Variants in RPS6KB1 observed in about 807,000 individuals in gnomAD.
The protein encoded by RPS6KB1 is ribosomal protein S6 kinase B1.
A neutral mutation model predicts 70.2 loss-of-function variants in RPS6KB1; 12 were observed. The observed-to-expected ratio is 0.17, with a 90% confidence interval of 0.11 to 0.28. The LOEUF is 0.28. Ranked by LOEUF, RPS6KB1 falls within the 10% of genes least tolerant of loss-of-function variation. The pLI, the probability that RPS6KB1 is intolerant of heterozygous loss-of-function variation, is 1.00. For synonymous variants in RPS6KB1, 175 were observed against 211.2 expected (o/e 0.83, Z 1.49); for missense variants, 270 against 646.6 (o/e 0.42, Z 6.32).
intron 5 of RPS6KB1, among the ~76,000 whole-genome samples, chr17:59,927,414 A>G (rs2043674337): frequency 6.6e-6 from 1 of 152,052 alleles, no homozygotes; most frequent in Admixed American, 6.6e-5. Context: ...AACACAGTTC[A>G]GTTCTCTGAG....
chr17:59,930,232 C>T (rs1194845956), intron 6 of RPS6KB1, 58 bp downstream of exon 6: 27 of 921,758 alleles, frequency 2.9e-5, no homozygotes, highest in Non-Finnish European at 3.6e-5. Flanking sequence ...AGCCCCATTC[C>T]CACTATGGGC....
At chr17:59,930,054 CATT>C (rs1050856605) in intron 5 of RPS6KB1, 60 bp from the exon 6 acceptor site, 19 of 864,218 alleles carry the variant, frequency 2.2e-5, no homozygotes, top group South Asian at 1.2e-4. Context: ...CAAACTCTCT[CATT>C]AGAAGTGGGT....
chr17:59,911,538 GTTTTTTTTTTT>G (rs1184826889), intron 2 of RPS6KB1, among the ~76,000 whole-genome samples: 1 of 74,740 alleles, frequency 1.3e-5, no homozygotes, highest in East Asian at 4.9e-4. Context: ...TTTTTGTTGG[GTTTTTTTTTTT>G]TTTTTTTTTT....
intron 1 of RPS6KB1, among the ~76,000 whole-genome samples, chr17:59,896,097 C>T (rs1422190977): frequency 1.3e-5 from 2 of 152,192 alleles, no homozygotes; most frequent in Non-Finnish European, 2.9e-5. Flanking sequence ...ATGACAGTGG[C>T]TTTGGAGCAG....
intron 4 of RPS6KB1, among the ~76,000 whole-genome samples, chr17:59,924,157 C>T (rs1318246134): frequency 1.3e-5 from 2 of 151,996 alleles, no homozygotes; most frequent in African/African-American, 4.8e-5. Flanking sequence ...GGTGAAACCC[C>T]ATCTCTACTA....
At chr17:59,911,538 G>GTTT (rs1184826889) in intron 2 of RPS6KB1, among the ~76,000 whole-genome samples, 974 of 74,702 alleles carry the variant, frequency 0.013, 57 homozygotes, top group African/African-American at 0.047. Context: ...TTTTTGTTGG[G>GTTT]TTTTTTTTTT....
intron 1 of RPS6KB1, among the ~76,000 whole-genome samples, chr17:59,907,825 A>G (rs1026658047): frequency 5.9e-5 from 9 of 152,052 alleles, no homozygotes; most frequent in South Asian, 4.1e-4. Context: ...ACGTGCCATA[A>G]ATTTTTTTCT....
intron 1 of RPS6KB1, among the ~76,000 whole-genome samples, chr17:59,896,459 A>G (rs1353263448): frequency 6.6e-6 from 1 of 152,152 alleles, no homozygotes; most frequent in African/African-American, 2.4e-5. Context: ...CTCTCAAAAT[A>G]CAGGTGTGAG....
At position 59,900,171 on chromosome 17, in the gene RPS6KB1, AACACACACACACACAC is replaced by A. The variant is rs759914423; in HGVS notation, c.141+6891_141+6906del. On this transcript the variant is annotated intron_variant, in intron 1 of 14. Transcript: ENST00000225577. ...CTGGGTGACAGAAACCTAATTGCTA[AACACACACACACACAC>A]ACACACACACACACACACACACACA... 2.7e-3 allele frequency among the ~76,000 whole-genome samples: 278 copies of A among 102,494 alleles called. 1 individual carries two copies. Among genetic ancestry groups the A allele is most frequent in the East Asian group, 5.7e-3 (18 of 3,168 alleles). 67.2% of individuals were successfully genotyped at this position (102,494 alleles called of 152,430 possible). A position where few individuals can be genotyped will look rare whatever the true frequency, so the allele number is the denominator to read the frequency against.
In RPS6KB1 at chr17:59,893,225, C is replaced by G; in HGVS notation, c.41C>G (p.Pro14Arg). Reference protein sequence around the residue: ...RRRRDGFYPAPDFRDREAEDM... With the variant: ...RRRRDGFYPARDFRDREAEDM... ...AGGCGGGACGGCTTTTACCCAGCCCCGGACTTCCGAGACAGGGAAGCTGAG... is the reference window on the plus strand; with the variant it reads ...AGGCGGGACGGCTTTTACCCAGCCCGGGACTTCCGAGACAGGGAAGCTGAG... Residue 14 changes from proline (P) to arginine (R), a missense_variant, in exon 1 of 15, where the codon CCG (proline) becomes CGG (arginine). Physicochemically the swap from Pro to Arg is moderately radical, Grantham distance 103. Coordinates refer to ENST00000225577, the MANE Select transcript of RPS6KB1 (RefSeq NM_003161.4). The surrounding 1 kb of genome is among the most constrained non-coding windows in gnomAD (Gnocchi z 4.1). The G allele has an allele frequency of 6.2e-7, 1 of 1,611,524 alleles. No homozygotes were observed. The highest frequency in any genetic ancestry group is 8.5e-7 in the Non-Finnish European group (1 of 1,179,084).
chr17:59,918,409 G>A (rs996483377), intron 4 of RPS6KB1, among the ~76,000 whole-genome samples: 23 of 150,530 alleles, frequency 1.5e-4, no homozygotes, highest in East Asian at 5.9e-4. Context: ...TCACTCTGTC[G>A]TGCAGGTTTG....
At chr17:59,917,988 C>G (rs1401235906) in intron 4 of RPS6KB1, among the ~76,000 whole-genome samples, 1 of 152,162 alleles carries the variant, frequency 6.6e-6, no homozygotes, top group Non-Finnish European at 1.5e-5. Flanking sequence ...GGCTGGAGTG[C>G]AATGGCGCAA....
Position 59,893,830 on chromosome 17 carries a change from C to G in RPS6KB1, c.141+505C>G, listed in dbSNP as rs2041312511. The stretch of plus-strand genomic sequence containing the variant: ...AGCTGTTAGAAGTGACAGCTGAAAA[C>G]TTCTGTCGGGAGTAGCACTGCCGCT... On this transcript the variant is annotated intron_variant, in intron 1 of 14. Transcript: ENST00000225577. This position sits in a 1 kb window ranked among gnomAD's most constrained non-coding sequence, Gnocchi z 4.1. 1 of 986,102 alleles carries G rather than the reference C, an allele frequency of 1.0e-6. No homozygotes were observed. Among genetic ancestry groups the G allele is most frequent in the Admixed American group, 6.1e-5 (1 of 16,466 alleles). 61.1% of individuals were successfully genotyped at this position (986,102 alleles called of 1,614,324 possible).
At chr17:59,904,197 C>CAGCCTCCT (rs2042127016) in intron 1 of RPS6KB1, among the ~76,000 whole-genome samples, 1 of 151,540 alleles carries the variant, frequency 6.6e-6, no homozygotes, top group Admixed American at 6.6e-5. Context: ...TCTCCTGCCT[C>CAGCCTCCT]AGCCTCCTGA....
chr17:59,930,338 C>G, intron 6 of RPS6KB1, 164 bp downstream of exon 6: 1 of 661,176 alleles, frequency 1.5e-6, no homozygotes, highest in Non-Finnish European at 2.8e-6. Flanking sequence ...ATGGAGGTCA[C>G]ATCATTCCTT....
chr17:59,932,904 A>C (rs1353426004), intron 7 of RPS6KB1, among the ~76,000 whole-genome samples: 1 of 152,168 alleles, frequency 6.6e-6, no homozygotes, highest in Non-Finnish European at 1.5e-5. Context: ...CATAAACATC[A>C]GAGAGACTGA....
intron 4 of RPS6KB1, among the ~76,000 whole-genome samples, chr17:59,925,366 T>C (rs2043545472): frequency 6.6e-6 from 1 of 152,206 alleles, no homozygotes; most frequent in South Asian, 2.1e-4. Context: ...CCCAAAACTT[T>C]TTCACTTTCT....
At position 59,946,196 on chromosome 17, in the gene RPS6KB1, G is replaced by A. The variant is rs2145082954; in HGVS notation, c.1341-355G>A. ...GAAATCAGTGTTCCTGGAGTGTGTG[G>A]TGAGTGAGGAGAAGGGCAGAGGTTT... On this transcript the variant is annotated intron_variant, in intron 14 of 14. Transcript: ENST00000225577. This position sits in a 1 kb window ranked among gnomAD's most constrained non-coding sequence, Gnocchi z 4.2. 6.6e-6 allele frequency among the ~76,000 whole-genome samples: 1 copy of A among 152,306 alleles called. No individual in the cohort carries two copies. The highest frequency in any genetic ancestry group is 3.4e-3 in the Middle Eastern group (1 of 294).
intron 2 of RPS6KB1, among the ~76,000 whole-genome samples, chr17:59,910,859 T>C (rs1568414437): frequency 1.3e-5 from 2 of 152,214 alleles, no homozygotes; most frequent in African/African-American, 4.8e-5. Flanking sequence ...GAATCTGAGT[T>C]GTTAGTTTAA....
Sources: allele counts gnomAD v4.1 joint callset (sites outside exome capture counted in the v4.1 genomes callset), GRCh38; gene constraint gnomAD v4.1.1; non-coding constraint Gnocchi (gnomAD v3.1); transcripts MANE v1.5; gene names NCBI Gene and HGNC (gene_info 2026-07-23, HGNC 2026-07-21).